Variants in COL4A5 observed in about 807,000 individuals in gnomAD.
The protein encoded by COL4A5 is collagen type IV alpha 5 chain.
In COL4A5, 26 loss-of-function variants were observed where a neutral mutation model predicts 130.2. The observed-to-expected ratio is 0.20, with a 90% CI of 0.15 to 0.28. COL4A5 has a LOEUF of 0.28. COL4A5 is among the 10% of genes least tolerant of loss of function. COL4A5 has a pLI of 1.00. For missense variants in COL4A5, 1,131 were observed against 1,344.3 expected, an observed-to-expected ratio of 0.84 and a Z score of 2.48; for synonymous variants, 496 against 439.6, an observed-to-expected ratio of 1.13 and a Z score of -1.60.
rs185484805 is a variant in COL4A5 at position 108,670,618 on chromosome X, A to G, written c.3799+382A>G. The stretch of plus-strand genomic sequence containing the variant: ...CTTCAAAAGGACATTCTTTTTTTAA[A>G]CAATAATATGTATTATCAGATCTTG... On this transcript the variant is annotated intron_variant, in intron 42 of 52. Transcript: ENST00000328300. 20 of 327,348 alleles carry G rather than the reference A, an allele frequency of 6.1e-5. No homozygotes were observed. In the East Asian group the frequency reaches 1.7e-3, roughly 28 times the overall value. The allele number at this position is 327,348 out of a possible 1,213,427, so 27.0% of individuals were successfully genotyped here.
At chrX:108,679,706 A>G (rs990436561) in intron 44 of COL4A5, among the ~76,000 whole-genome samples, 23 of 109,147 alleles carry the variant, frequency 2.1e-4, no homozygotes, top group African/African-American at 8.0e-4. Context: ...TTGCTATTCT[A>G]TATTCTTCCT....
In COL4A5 at chrX:108,628,220, A is replaced by T. The variant is rs1349067785; in HGVS notation, c.3246+1871A>T. ...GTTCATGATTACAAACATATTTTGCACTGAAGATTCTTATCCATATTCTTA... is the reference window on the plus strand; with the variant it reads ...GTTCATGATTACAAACATATTTTGCTCTGAAGATTCTTATCCATATTCTTA... On this transcript the variant is annotated intron_variant, in intron 36 of 52. Coordinates refer to ENST00000328300, the MANE Select transcript of COL4A5 (RefSeq NM_033380.3). 2.7e-5 allele frequency among the ~76,000 whole-genome samples: 3 copies of T among 111,082 alleles called. No individual in the cohort carries two copies. The East Asian group carries it at 8.4e-4, about 31-fold the overall frequency.
At chrX:108,452,550 A>G (rs1209092614) in intron 1 of COL4A5, among the ~76,000 whole-genome samples, 2 of 111,759 alleles carry the variant, frequency 1.8e-5, no homozygotes, top group Non-Finnish European at 3.8e-5. Context: ...CATCCCTTGT[A>G]AGTTGGATTC....
At chrX:108,524,800 C>A (rs959906151) in intron 1 of COL4A5, among the ~76,000 whole-genome samples, 1 of 111,090 alleles carries the variant, frequency 9.0e-6, no homozygotes, top group East Asian at 2.8e-4. Flanking sequence ...TTGTTGATAT[C>A]CTGTTTATTT....
intron 36 of COL4A5, among the ~76,000 whole-genome samples, chrX:108,651,535 T>A (rs2067729198): frequency 8.9e-6 from 1 of 111,796 alleles, no homozygotes. Context: ...TTTTAAGTAA[T>A]TGTATGTGCT....
chrX:108,603,090 C>T, intron 28 of COL4A5, 29 bp downstream of exon 28: 1 of 954,642 alleles, frequency 1.0e-6, no homozygotes, highest in Non-Finnish European at 1.5e-6. Context: ...TATTCCTTCT[C>T]ATTTTCTTAT....
intron 1 of COL4A5, among the ~76,000 whole-genome samples, chrX:108,464,057 C>T (rs1472872439): frequency 9.0e-6 from 1 of 111,610 alleles, no homozygotes; most frequent in Non-Finnish European, 1.9e-5. Context: ...ATTGGGCTAA[C>T]ATTATTAGTC....
At chrX:108,620,477 T>C (rs1311836937) in intron 31 of COL4A5, 51 bp downstream of exon 31, 3 of 997,945 alleles carry the variant, frequency 3.0e-6, no homozygotes, top group Non-Finnish European at 4.2e-6. Flanking sequence ...TTAAAACTAA[T>C]ACGACTCTGG....
intron 36 of COL4A5, 55 bp from the exon 37 acceptor site, chrX:108,655,276 A>G: frequency 8.5e-7 from 1 of 1,178,517 alleles, no homozygotes; most frequent in Admixed American, 2.2e-5. Context: ...TTATGTTCTT[A>G]TACAATCTAA....
chrX:108,625,166 G>T (rs1603298733), intron 34 of COL4A5, among the ~76,000 whole-genome samples: 1 of 112,543 alleles, frequency 8.9e-6, no homozygotes, highest in East Asian at 2.8e-4. Flanking sequence ...GCACCTATGT[G>T]CTAGGAAAAA....
intron 20 of COL4A5, 150 bp downstream of exon 20, chrX:108,591,381 C>A: frequency 1.5e-6 from 1 of 664,188 alleles, no homozygotes; most frequent in Non-Finnish European, 2.3e-6. Context: ...TTTGGTAGTT[C>A]TTGGATGTTT....
chrX:108,525,653 G>C (rs939388787), intron 1 of COL4A5, among the ~76,000 whole-genome samples: 9 of 110,363 alleles, frequency 8.2e-5, no homozygotes, highest in African/African-American at 3.0e-4. Context: ...TTTATTTAAT[G>C]TATTTTTATT....
chrX:108,444,043 T>C (rs2064428130), intron 1 of COL4A5, among the ~76,000 whole-genome samples: 1 of 111,449 alleles, frequency 9.0e-6, no homozygotes, highest in Admixed American at 9.6e-5. Flanking sequence ...TGAATATTTG[T>C]TTTATTCTAT....
At chrX:108,607,891 T>C (rs896012984) in intron 29 of COL4A5, among the ~76,000 whole-genome samples, 5 of 111,735 alleles carry the variant, frequency 4.5e-5, no homozygotes, top group African/African-American at 1.6e-4. Flanking sequence ...GATCACTCCA[T>C]ATCAGTAGAT....
At chrX:108,463,976 T>G (rs2064678793) in intron 1 of COL4A5, among the ~76,000 whole-genome samples, 1 of 111,981 alleles carries the variant, frequency 8.9e-6, no homozygotes, top group South Asian at 3.7e-4. Flanking sequence ...GGCACTATAG[T>G]GTAATGGTTT....
At chrX:108,469,165 CTCTCTTTT>C (rs1174627878) in intron 1 of COL4A5, among the ~76,000 whole-genome samples, 1 of 79,812 alleles carries the variant, frequency 1.3e-5, no homozygotes, top group African/African-American at 4.3e-5. Context: ...TTCTCTCTCT[CTCTCTTTT>C]TTTTTTTTTT....
At chrX:108,539,574 G>A (rs937636422) in intron 1 of COL4A5, among the ~76,000 whole-genome samples, 172 bp from the exon 2 acceptor site, 8 of 111,612 alleles carry the variant, frequency 7.2e-5, no homozygotes, top group Non-Finnish European at 1.5e-4. Flanking sequence ...TATAATAAAA[G>A]GTGCAAGCTT....
chrX:108,455,568 C>T (rs1178727880), intron 1 of COL4A5, among the ~76,000 whole-genome samples: 2 of 112,017 alleles, frequency 1.8e-5, no homozygotes, highest in Non-Finnish European at 3.8e-5. Flanking sequence ...GGAAAGGTCC[C>T]TCATGCCCGT....
chrX:108,449,074 T>C (rs2064481213), intron 1 of COL4A5, among the ~76,000 whole-genome samples: 1 of 111,493 alleles, frequency 9.0e-6, no homozygotes, highest in Non-Finnish European at 1.9e-5. Flanking sequence ...TTGGTTGAAA[T>C]CGTGTTATAT....
Sources: allele counts gnomAD v4.1 joint callset (sites outside exome capture counted in the v4.1 genomes callset), GRCh38; gene constraint gnomAD v4.1.1; transcripts MANE v1.5; gene names NCBI Gene and HGNC (gene_info 2026-07-23, HGNC 2026-07-21).